The following VPS13A variants were observed in gnomAD, a reference collection of about 807,000 sequenced individuals.
VPS13A encodes the protein vacuolar protein sorting 13 homolog A, also known as intermembrane lipid transfer protein VPS13A.
A neutral mutation model predicts 390.9 loss-of-function variants in VPS13A; 264 were observed. The observed-to-expected ratio is 0.68, with a 90% CI of 0.61 to 0.75. The LOEUF is 0.75. Among genes scored for constraint, VPS13A ranks in the 30% least tolerant of loss-of-function variants. The pLI is 0.00. For missense variants in VPS13A, 3,409 were observed against 3,733.9 expected, an observed-to-expected ratio of 0.91 and a Z score of 2.27; for synonymous variants, 1,231 against 1,227.1, an observed-to-expected ratio of 1.00 and a Z score of -0.07.
At chr9:77,368,356 T>C (rs993199195) in intron 62 of VPS13A, among the ~76,000 whole-genome samples, 13 of 152,356 alleles carry the variant, frequency 8.5e-5, no homozygotes, top group East Asian at 1.9e-4. Context: ...AAATTTTTTG[T>C]GGATCAGCAG....
At chr9:77,407,664 G>T in intron 71 of VPS13A, 57 bp downstream of exon 71, 1 of 1,316,988 alleles carries the variant, frequency 7.6e-7, no homozygotes, top group Non-Finnish European at 1.1e-6. Context: ...AATCATGTAA[G>T]TGGACTATTT....
chr9:77,316,232 T>A lies in VPS13A; in HGVS notation c.4689T>A (p.Ile1563=). 1.2e-6 allele frequency: 2 copies of A among 1,613,120 alleles called. No homozygotes were observed. The highest frequency in any genetic ancestry group is 1.7e-6 in the Non-Finnish European group (2 of 1,179,318). The change falls in exon 39 of 72, where the codon ATT becomes ATA. Residue 1563 remains isoleucine (I), a synonymous_variant. Transcript: ENST00000360280. ...EINVIIKNPE[I]VFVADMTKND... Reference sequence around the variant, plus strand: ...ATGTTATTATTAAAAATCCTGAAATTGTGTTTGTAGCTGACATGACAAAAA... The same window carrying A: ...ATGTTATTATTAAAAATCCTGAAATAGTGTTTGTAGCTGACATGACAAAAA...
At chr9:77,342,695 TATCTC>T (rs2131514863) in intron 50 of VPS13A, among the ~76,000 whole-genome samples, 1 of 152,316 alleles carries the variant, frequency 6.6e-6, no homozygotes, top group East Asian at 1.9e-4. Flanking sequence ...ATCCCCAAGA[TATCTC>T]ATCATATATA....
rs532501686 is a variant in VPS13A, at chr9:77,275,190, T to C, written c.2513-308T>C. Among the ~76,000 whole-genome samples, 10 of 152,258 alleles carry C rather than the reference T, an allele frequency of 6.6e-5. No individual in the cohort carries two copies. The South Asian group carries it at 2.1e-3, about 32-fold the overall frequency. On this transcript the variant is annotated intron_variant, in intron 24 of 71. Transcript: ENST00000360280. The stretch of plus-strand genomic sequence containing the variant: ...ATCGGCATTGGCATTTCCTGTAAAA[T>C]TTAAGCAATTTTAAAATAGACTATT...
intron 34 of VPS13A, among the ~76,000 whole-genome samples, chr9:77,306,689 A>G (rs573005233): frequency 2.0e-4 from 30 of 152,248 alleles, no homozygotes; most frequent in African/African-American, 7.2e-4. Flanking sequence ...GTCCACCTAC[A>G]TTATGGAGTG....
At chr9:77,263,758 C>T (rs1825883429) in intron 23 of VPS13A, among the ~76,000 whole-genome samples, 1 of 152,284 alleles carries the variant, frequency 6.6e-6, no homozygotes, top group East Asian at 1.9e-4. Context: ...AATTAGATCC[C>T]ATTTGTCAAT....
chr9:77,365,584 G>A lies in VPS13A; in HGVS notation c.8325+11G>A. On this transcript the variant is annotated intron_variant, in intron 60 of 71. Coordinates refer to ENST00000360280, the MANE Select transcript of VPS13A (RefSeq NM_033305.3). ...ATATCTCCTATCAAGGTAGGAGAAA[G>A]TCATTTTTATTGTCCTTGATAATCT... 3 of 1,537,342 alleles carry A rather than the reference G, an allele frequency of 2.0e-6. No individual in the cohort carries two copies. Among genetic ancestry groups the A allele is most frequent in the African/African-American group, 2.7e-5 (2 of 73,436 alleles).
At chr9:77,356,928 C>T in intron 55 of VPS13A, 61 bp downstream of exon 55, 2 of 1,581,496 alleles carry the variant, frequency 1.3e-6, no homozygotes, top group Non-Finnish European at 1.7e-6. Context: ...TTTGGTGAAT[C>T]ACTAGTGAAA....
At chr9:77,382,258 ATTTT>A in intron 68 of VPS13A, 171 bp downstream of exon 68, 1 of 1,473,190 alleles carries the variant, frequency 6.8e-7, no homozygotes, top group Non-Finnish European at 9.0e-7. Flanking sequence ...TTACTATAAG[ATTTT>A]TTTTTCTTTT....
chr9:77,404,818 T>A (rs1019483777), intron 69 of VPS13A, among the ~76,000 whole-genome samples: 1 of 152,208 alleles, frequency 6.6e-6, no homozygotes, highest in Non-Finnish European at 1.5e-5. Flanking sequence ...GGCCAGCCTG[T>A]CTGTGATTTT....
intron 1 of VPS13A, among the ~76,000 whole-genome samples, chr9:77,198,258 C>G (rs901823818): frequency 6.6e-6 from 1 of 151,972 alleles, no homozygotes; most frequent in Non-Finnish European, 1.5e-5. Context: ...AAAAATGTTT[C>G]CTCCAGAACC....
At chr9:77,210,447 A>C (rs1590003204) in intron 6 of VPS13A, among the ~76,000 whole-genome samples, 169 bp from the exon 7 acceptor site, 1 of 144,990 alleles carries the variant, frequency 6.9e-6, no homozygotes, top group Non-Finnish European at 1.5e-5. Flanking sequence ...GCAGGATCTC[A>C]CTGTGTTACC....
Position 77,307,988 on chromosome 9 carries a change from T to C in VPS13A, c.4004T>C (p.Leu1335Ser), listed in dbSNP as rs746770274. The C allele has an allele frequency of 6.2e-7, 1 of 1,603,554 alleles. No homozygotes were observed. The change falls in exon 35 of 72, where the codon TTG (leucine) becomes TCG (serine). Residue 1335 changes from leucine (L) to serine (S), a missense_variant. This residue lies in a region of VPS13A where 2,717 missense variants were observed against 2,917.4 expected (regional missense o/e 0.93). Transcript: ENST00000360280. Reference sequence around the variant, plus strand: ...GATATAACAACTATTTTTAAAACATTGCATGGCAATATATGGTATGAAAAA... The same window carrying C: ...GATATAACAACTATTTTTAAAACATCGCATGGCAATATATGGTATGAAAAA... Reference protein sequence around the residue: ...QEDITTIFKTLHGNIWYEKDG... With the variant: ...QEDITTIFKTSHGNIWYEKDG...
chr9:77,247,408 A>T lies in VPS13A; in HGVS notation c.2037+13A>T. On this transcript the variant is annotated intron_variant, in intron 20 of 71. Transcript: ENST00000360280. ...TGGTCATCTAAAGGTATATACTAATAATATTTGATTTATGATACAGCATTT... is the reference window on the plus strand; with the variant it reads ...TGGTCATCTAAAGGTATATACTAATTATATTTGATTTATGATACAGCATTT... The T allele has an allele frequency of 6.3e-7, 1 of 1,593,890 alleles. No individual in the cohort carries two copies. The highest frequency in any genetic ancestry group is 8.5e-7 in the Non-Finnish European group (1 of 1,170,084).
chr9:77,280,982 G>A (rs188788904), intron 27 of VPS13A, among the ~76,000 whole-genome samples: 12 of 152,106 alleles, frequency 7.9e-5, no homozygotes, highest in African/African-American at 2.9e-4. Flanking sequence ...CACTTATGTC[G>A]ACATAGATGA....
Position 77,225,938 on chromosome 9 carries a change from A to G in VPS13A, c.1174A>G (p.Thr392Ala). ...TTATATTTTTCAGGAGTTGGAAAAA[A>G]CCTTGGATGTCTTTAATATAACTAT... The part of the protein sequence containing the change: ...LLVSLEELEK[T>A]LDVFNITIAR... Residue 392 changes from threonine to alanine, a missense_variant, in exon 14 of 72, where the codon ACC becomes GCC. Coordinates refer to ENST00000360280, the MANE Select transcript of VPS13A (RefSeq NM_033305.3). 1 of 1,611,908 alleles carries G rather than the reference A, an allele frequency of 6.2e-7. No individual in the cohort carries two copies. The highest frequency in any genetic ancestry group is 8.5e-7 in the Non-Finnish European group (1 of 1,179,002).
At chr9:77,372,100 C>T (rs1367589009) in intron 67 of VPS13A, among the ~76,000 whole-genome samples, 4 of 150,842 alleles carry the variant, frequency 2.7e-5, no homozygotes, top group South Asian at 2.1e-4. Context: ...TGAATAATGC[C>T]GCAATAAACA....
At chr9:77,324,452 CAG>C (rs1482967059) in intron 45 of VPS13A, among the ~76,000 whole-genome samples, 1 of 151,996 alleles carries the variant, frequency 6.6e-6, no homozygotes, top group Admixed American at 6.6e-5. Context: ...GAGTTTTTAT[CAG>C]AGTTGATTTT....
chr9:77,210,749 A>AT (rs1366911146), intron 7 of VPS13A, 74 bp downstream of exon 7: 2 of 1,458,426 alleles, frequency 1.4e-6, no homozygotes, highest in African/African-American at 2.8e-5. Context: ...CTATTTGTAT[A>AT]TGCCAGCATC....
Sources: gnomAD v4.1 joint callset for allele counts (sites outside exome capture counted in the v4.1 genomes callset) on GRCh38, gnomAD v4.1.1 for gene constraint, gnomAD v4.1.1 regional missense constraint, MANE v1.5 for transcripts, NCBI Gene and HGNC (gene_info 2026-07-23, HGNC 2026-07-21) for gene names.